The following ITPR1 variants were observed in gnomAD, a reference collection of about 807,000 sequenced individuals.
The protein encoded by ITPR1 is inositol 1,4,5-trisphosphate receptor type 1.
A neutral mutation model predicts 318.4 loss-of-function variants in ITPR1; 96 were observed. That is an observed-to-expected ratio of 0.30 (90% confidence interval 0.26 to 0.36). The LOEUF (loss-of-function observed/expected upper bound fraction) is 0.36. ITPR1 is among the 10% of genes least tolerant of loss of function. The pLI is 1.00. For synonymous variants in ITPR1, 1,312 were observed against 1,289.9 expected (o/e 1.02, Z -0.37); for missense variants, 2,440 against 3,460.2 (o/e 0.71, Z 7.40).
chr3:4,662,914 ACTTGG>A (rs1476932008), intron 15 of ITPR1, 146 bp from the exon 16 acceptor site: 1 of 597,790 alleles, frequency 1.7e-6, no homozygotes, highest in Admixed American at 2.9e-5. Context: ...TCTCTTTGAT[ACTTGG>A]CTTCTGTTGT....
chr3:4,720,043 T>G (rs2042040692), intron 40 of ITPR1, among the ~76,000 whole-genome samples: 1 of 152,232 alleles, frequency 6.6e-6, no homozygotes, highest in African/African-American at 2.4e-5. Flanking sequence ...ACAGAATGTT[T>G]CCATCATCCC....
rs2306868 is a variant in ITPR1 at position 4,658,283 on chromosome 3, C to G, written c.1151+5C>G. ...AGGTGACAGCCTTGTCCCAAGGTAT[C>G]ATTTTAAAATTGCTTTTCCCCAAAG... On this transcript the variant is annotated splice_donor_5th_base_variant and intron_variant, in intron 13 of 61. Transcript: ENST00000649015. 62,566 of 1,600,016 alleles carry G rather than the reference C, an allele frequency of 0.039. 6,082 individuals carry two copies. Among genetic ancestry groups the G allele is most frequent in the African/African-American group, 0.36 (26,666 of 74,516 alleles).
intron 60 of ITPR1, among the ~76,000 whole-genome samples, chr3:4,836,518 T>C (rs1395174506): frequency 6.6e-6 from 1 of 152,200 alleles, no homozygotes; most frequent in Non-Finnish European, 1.5e-5. Context: ...ATTAGGACTC[T>C]TGTTTAGAAC....
chr3:4,661,638 G>A (rs1376265666), intron 14 of ITPR1, among the ~76,000 whole-genome samples: 1 of 152,120 alleles, frequency 6.6e-6, no homozygotes, highest in Admixed American at 6.5e-5. Flanking sequence ...TTGTGGCATT[G>A]GGGAAGGTTA....
At chr3:4,787,334 T>A (rs2047258755) in intron 51 of ITPR1, among the ~76,000 whole-genome samples, 1 of 31,920 alleles carries the variant, frequency 3.1e-5, no homozygotes. Flanking sequence ...CGAGACTCCA[T>A]CTCAAAAAAA....
At chr3:4,516,435 T>G in intron 2 of ITPR1, 41 bp from the exon 3 acceptor site, 1 of 1,108,804 alleles carries the variant, frequency 9.0e-7, no homozygotes, top group South Asian at 1.5e-5. Context: ...TTCTGAACAT[T>G]TCTTTTCTTC....
At chr3:4,764,402 T>C (rs1260127491) in intron 44 of ITPR1, among the ~76,000 whole-genome samples, 1 of 152,214 alleles carries the variant, frequency 6.6e-6, no homozygotes, top group African/African-American at 2.4e-5. Context: ...CAAATAATCA[T>C]GGAGTGCCTT....
chr3:4,783,436 C>T (rs1166491667), intron 50 of ITPR1, among the ~76,000 whole-genome samples: 1 of 152,134 alleles, frequency 6.6e-6, no homozygotes, highest in Non-Finnish European at 1.5e-5. Flanking sequence ...TTACCACCCA[C>T]TGGTTAAAGA....
chr3:4,640,635 C>T (rs1033268008), intron 6 of ITPR1, among the ~76,000 whole-genome samples: 4 of 152,162 alleles, frequency 2.6e-5, no homozygotes, highest in Non-Finnish European at 5.9e-5. Flanking sequence ...AAATGCATTC[C>T]GGTTTAGGTT....
chr3:4,834,249 T>A (rs1377051567), intron 60 of ITPR1, among the ~76,000 whole-genome samples: 2 of 152,204 alleles, frequency 1.3e-5, no homozygotes, highest in Non-Finnish European at 2.9e-5. Flanking sequence ...AGCACTTTGA[T>A]GGCAGGAATT....
intron 4 of ITPR1, 114 bp from the exon 5 acceptor site, chr3:4,627,649 C>A (rs1030414860): frequency 3.0e-6 from 2 of 664,754 alleles, no homozygotes; most frequent in Admixed American, 4.9e-5. Flanking sequence ...CATTTTATAT[C>A]TATGTATGAT....
intron 8 of ITPR1, among the ~76,000 whole-genome samples, chr3:4,644,568 C>T (rs1043074199): frequency 1.3e-5 from 2 of 152,154 alleles, no homozygotes; most frequent in African/African-American, 4.8e-5. Flanking sequence ...AATTTGTCTC[C>T]ATATACAGGG....
At chr3:4,593,960 G>C (rs2090594848) in intron 4 of ITPR1, among the ~76,000 whole-genome samples, 1 of 152,202 alleles carries the variant, frequency 6.6e-6, no homozygotes, top group Non-Finnish European at 1.5e-5. Context: ...TCCTACTGGA[G>C]AGCTGAGATA....
intron 23 of ITPR1, among the ~76,000 whole-genome samples, chr3:4,675,479 AT>A (rs2094165664): frequency 6.6e-6 from 1 of 152,086 alleles, no homozygotes; most frequent in Non-Finnish European, 1.5e-5. Context: ...GCTGAATTTT[AT>A]TTTGTATTTA....
chr3:4,726,492 A>T (rs549599695), intron 41 of ITPR1, among the ~76,000 whole-genome samples: 4 of 152,362 alleles, frequency 2.6e-5, no homozygotes, highest in African/African-American at 9.6e-5. Context: ...CTATTCCAAA[A>T]TCACAGTAGT....
chr3:4,702,132 G>T (rs55963864), intron 35 of ITPR1, among the ~76,000 whole-genome samples: 43,051 of 152,012 alleles, frequency 0.28, 6,986 homozygotes, highest in Non-Finnish European at 0.38. Context: ...TACTCAGAAA[G>T]TCAGTGTCAA....
intron 60 of ITPR1, among the ~76,000 whole-genome samples, chr3:4,830,346 A>G (rs1247782737): frequency 6.6e-6 from 1 of 152,030 alleles, no homozygotes; most frequent in African/African-American, 2.4e-5. Flanking sequence ...CACCAAAACC[A>G]ACAGATTCTG....
chr3:4,548,451 T>C, intron 4 of ITPR1, among the ~76,000 whole-genome samples: 1 of 152,268 alleles, frequency 6.6e-6, no homozygotes, highest in East Asian at 1.9e-4. Context: ...TCTAATGGCA[T>C]GTGACTTTAA....
chr3:4,726,422 G>C (rs956513573), intron 41 of ITPR1, among the ~76,000 whole-genome samples: 1 of 152,024 alleles, frequency 6.6e-6, no homozygotes, highest in Non-Finnish European at 1.5e-5. Flanking sequence ...AGGTCTGTAA[G>C]ATCATAGAGA....
Sources: allele counts gnomAD v4.1 joint callset (sites outside exome capture counted in the v4.1 genomes callset), GRCh38; gene constraint gnomAD v4.1.1; transcripts MANE v1.5; gene names NCBI Gene and HGNC (gene_info 2026-07-23, HGNC 2026-07-21).